CPT1C: variants seen among roughly 807,000 people sequenced by gnomAD.
CPT1C encodes the protein carnitine palmitoyltransferase 1C.
Under a neutral mutation model 97.3 loss-of-function variants are expected in CPT1C, and 61 were observed. The observed-to-expected ratio is 0.63, with a 90% CI of 0.51 to 0.78. The LOEUF is 0.78. Among genes scored for constraint, CPT1C ranks in the 30% least tolerant of loss-of-function variants. The pLI, the probability that CPT1C is intolerant of heterozygous loss-of-function variation, is 0.00. For synonymous variants in CPT1C, 469 were observed against 447.2 expected (o/e 1.05, Z -0.61); for missense variants, 975 against 1,065.5 (o/e 0.92, Z 1.18).
intron 3 of CPT1C, among the ~76,000 whole-genome samples, chr19:49,694,350 G>T (rs956881335): frequency 6.6e-6 from 1 of 152,090 alleles, no homozygotes; most frequent in South Asian, 2.1e-4. Flanking sequence ...GGGGTGGCAG[G>T]CCAGGTGCGG....
In CPT1C at chr19:49,712,829, T is replaced by G. The variant is rs776922724; in HGVS notation, c.2113T>G (p.Ser705Ala). The G allele has an allele frequency of 6.2e-7, 1 of 1,606,676 alleles. No homozygotes were observed. The highest frequency in any genetic ancestry group is 1.4e-5 in the African/African-American group (1 of 72,186). Residue 705 changes from serine to alanine, a missense_variant, in exon 18 of 20, where the codon TCA (serine) becomes GCA (alanine). Transcript: ENST00000598293. ...CCACAATTACCCGGACTATGTTTCC[T>G]CAGGCGGTGGATTCGGGCCTGTGAG... Reference protein sequence around the residue: ...DVHNYPDYVSSGGGFGPADDH... With the variant: ...DVHNYPDYVSAGGGFGPADDH...
chr19:49,702,793 G>C (rs1453839300), intron 7 of CPT1C, among the ~76,000 whole-genome samples: 3 of 151,782 alleles, frequency 2.0e-5, no homozygotes, highest in African/African-American at 7.3e-5. Context: ...TTTGGTGTGG[G>C]GGAAAGACTG....
At chr19:49,704,651 C>T in intron 7 of CPT1C, 59 bp from the exon 8 acceptor site, 1 of 1,358,690 alleles carries the variant, frequency 7.4e-7, no homozygotes, top group Non-Finnish European at 1.0e-6. Context: ...CCCTGTCCTA[C>T]TGTCCCTCCC....
At chr19:49,700,259 A>AAC (rs1465830337) in intron 4 of CPT1C, among the ~76,000 whole-genome samples, 111 of 109,704 alleles carry the variant, frequency 1.0e-3, no homozygotes, top group African/African-American at 3.9e-3. Flanking sequence ...AAACAAAACA[A>AAC]AACAAAAAAA....
chr19:49,694,702 C>G (rs1476032237), intron 3 of CPT1C, among the ~76,000 whole-genome samples: 1 of 151,590 alleles, frequency 6.6e-6, no homozygotes, highest in Admixed American at 6.6e-5. Flanking sequence ...CTTCAGCAGG[C>G]TAAACTGAAC....
Position 49,700,804 on chromosome 19 carries a change from C to G in CPT1C, c.402C>G (p.Gly134=). Residue 134 remains glycine, a synonymous_variant, in exon 5 of 20, where the codon GGC becomes GGG. Coordinates refer to ENST00000598293, the MANE Select transcript of CPT1C (RefSeq NM_001199753.2). The part of the protein sequence containing the change: ...VALRLLLSYH[G]WLLEPHGAMS... ...TGAGGCTGCTTCTGTCCTACCACGG[C>G]TGGCTTCTTGAGCCCCACGGAGCCA... The G allele has an allele frequency of 6.2e-7, 1 of 1,613,520 alleles. No homozygotes were observed. Among genetic ancestry groups the G allele is most frequent in the East Asian group, 2.2e-5 (1 of 44,880 alleles).
chr19:49,703,064 T>G (rs2083274293), intron 7 of CPT1C, among the ~76,000 whole-genome samples: 1 of 101,860 alleles, frequency 9.8e-6, no homozygotes, highest in Non-Finnish European at 2.1e-5. Context: ...TGGACAAGAT[T>G]CTGTTTACAC....
intron 13 of CPT1C, 78 bp from the exon 14 acceptor site, chr19:49,708,645 G>T: frequency 9.9e-7 from 1 of 1,009,896 alleles, no homozygotes; most frequent in Non-Finnish European, 1.6e-6. Flanking sequence ...AAAAAGGGCT[G>T]CATGAAAAGA....
rs753309074 is a variant in CPT1C at position 49,705,233 on chromosome 19, G to A, written c.899G>A (p.Arg300His). 3.3e-5 allele frequency: 54 copies of A among 1,613,922 alleles called. No homozygotes were observed. The highest frequency in any genetic ancestry group is 4.4e-5 in the Non-Finnish European group (52 of 1,179,986). ...CTGCAGACTTTGCTGATGGGAATGCGCCCCTTATGCTCTGCCCAGTACGAG... is the reference window on the plus strand; with the variant it reads ...CTGCAGACTTTGCTGATGGGAATGCACCCCTTATGCTCTGCCCAGTACGAG... ...EIPPTLLMGM[R>H]PLCSAQYEKI... The change falls in exon 10 of 20, where the codon CGC (arginine) becomes CAC (histidine). Residue 300 changes from arginine (R) to histidine (H), a missense_variant. By Grantham distance (29) the Arg-to-His change is conservative. Transcript: ENST00000598293.
At chr19:49,712,343 C>CAAA (rs750870666) in intron 17 of CPT1C, 77 of 119,398 alleles carry the variant, frequency 6.4e-4, no homozygotes, top group African/African-American at 1.8e-3. Context: ...GACTCTGTCT[C>CAAA]AAAAAAAAAA....
Position 49,708,659 on chromosome 19 carries a change from C to T in CPT1C, c.1450-64C>T, listed in dbSNP as rs199863449. The T allele has an allele frequency of 7.1e-4, 856 of 1,203,564 alleles. 3 individuals are homozygous for T. Among genetic ancestry groups the T allele is most frequent in the Admixed American group, 7.4e-4 (43 of 57,918 alleles). The allele number at this position is 1,203,564 out of a possible 1,614,324, so 74.6% of individuals were successfully genotyped here. A position where few individuals can be genotyped will look rare whatever the true frequency, so the allele number is the denominator to read the frequency against. ...GAAAAAGGGCTGCATGAAAAGAGGT[C>T]CCGGGTTAGATGGCCTCAGTCCACA... On this transcript the variant is annotated intron_variant, in intron 13 of 19. Transcript: ENST00000598293.
upstream of CPT1C, chr19:49,690,722 T>C: frequency 2.1e-6 from 1 of 485,594 alleles, no homozygotes; most frequent in Non-Finnish European, 3.6e-6. This position sits in a 1 kb window ranked among gnomAD's most constrained non-coding sequence, Gnocchi z 4.4. Context: ...TCTTGCCAAC[T>C]CAATCCATGC....
chr19:49,692,307 G>T lies in CPT1C; in HGVS notation c.55G>T (p.Ala19Ser). 1 of 1,614,110 alleles carries T rather than the reference G, an allele frequency of 6.2e-7. No individual in the cohort carries two copies. Among genetic ancestry groups the T allele is most frequent in the East Asian group, 2.2e-5 (1 of 44,876 alleles). Reference sequence around the variant, plus strand: ...CCGACCCTCGCTGACCTCGGACGGGGCTGAAGTGGAACTCAGTGCCCCTGT... The same window carrying T: ...CCGACCCTCGCTGACCTCGGACGGGTCTGAAGTGGAACTCAGTGCCCCTGT... Reference protein sequence around the residue: ...GFRPSLTSDGAEVELSAPVLQ... With the variant: ...GFRPSLTSDGSEVELSAPVLQ... Residue 19 changes from alanine to serine, a missense_variant, in exon 3 of 20, where the codon GCT becomes TCT. By Grantham distance (99) the Ala-to-Ser change is moderately conservative. Around this residue, in one of 3 missense-constraint regions of CPT1C, gnomAD observed 596 missense variants for 603.1 expected, o/e 0.99. Coordinates refer to ENST00000598293, the MANE Select transcript of CPT1C (RefSeq NM_001199753.2).
chr19:49,708,022 A>G (rs547366660), intron 13 of CPT1C, among the ~76,000 whole-genome samples: 3,910 of 149,608 alleles, frequency 0.026, 62 homozygotes, highest in African/African-American at 0.034. Flanking sequence ...AAAAAAAAAA[A>G]AAAAAGAAAA....
At chr19:49,705,742 G>C (rs2083461666) in intron 10 of CPT1C, among the ~76,000 whole-genome samples, 167 bp from the exon 11 acceptor site, 1 of 152,120 alleles carries the variant, frequency 6.6e-6, no homozygotes, top group African/African-American at 2.4e-5. Context: ...CCTGGCGACA[G>C]AGCGAGACCT....
intron 16 of CPT1C, 160 bp from the exon 17 acceptor site, chr19:49,711,649 T>C: frequency 5.3e-6 from 4 of 759,050 alleles, no homozygotes; most frequent in Middle Eastern, 3.9e-4. Context: ...GGCCAAATGA[T>C]TTCCCCTCTC....
chr19:49,698,919 A>AT (rs2082830681), intron 4 of CPT1C, among the ~76,000 whole-genome samples: 1 of 151,950 alleles, frequency 6.6e-6, no homozygotes, highest in Admixed American at 6.6e-5. Context: ...TCTGGCCAAC[A>AT]TGGTGAAACT....
At chr19:49,708,002 CAAAAA>C (rs60276067) in intron 13 of CPT1C, among the ~76,000 whole-genome samples, 10,208 of 56,248 alleles carry the variant, frequency 0.18, 359 homozygotes, top group African/African-American at 0.26. Flanking sequence ...GAATACATCT[CAAAAA>C]AAAAAAAAAA....
At chr19:49,703,496 C>T (rs539557021) in intron 7 of CPT1C, among the ~76,000 whole-genome samples, 2 of 149,684 alleles carry the variant, frequency 1.3e-5, no homozygotes, top group African/African-American at 4.9e-5. Flanking sequence ...CCACCATGCC[C>T]GGCCTCTTTC....
Sources: gnomAD v4.1 joint callset for allele counts (sites outside exome capture counted in the v4.1 genomes callset) on GRCh38, gnomAD v4.1.1 for gene constraint, gnomAD v4.1.1 regional missense constraint, Gnocchi (gnomAD v3.1) non-coding constraint, MANE v1.5 for transcripts, NCBI Gene and HGNC (gene_info 2026-07-23, HGNC 2026-07-21) for gene names.